The following RP1 variants were observed in gnomAD, a reference collection of about 807,000 sequenced individuals.
The protein encoded by RP1 is RP1 axonemal microtubule associated.
A neutral mutation model predicts 14.8 loss-of-function variants in RP1; 16 were observed. That is an observed-to-expected ratio of 1.08 (90% CI 0.73 to 1.65). The LOEUF (loss-of-function observed/expected upper bound fraction) is 1.65. Ranked by LOEUF, RP1 falls within the 40% of genes most tolerant of loss-of-function variation. The pLI is 0.00. For missense variants in RP1, 2,631 were observed against 2,535.0 expected (o/e 1.04, Z -0.81); for synonymous variants, 876 against 883.6 (o/e 0.99, Z 0.15).
intron 19 of RP1, among the ~76,000 whole-genome samples, chr8:54,752,935 G>A (rs1043075291): frequency 5.3e-5 from 8 of 152,126 alleles, no homozygotes; most frequent in Non-Finnish European, 7.4e-5. Context: ...ATTAATGTAT[G>A]TATACATATA....
At chr8:54,647,382 C>T (rs1218051410) in intron 3 of RP1, among the ~76,000 whole-genome samples, 2 of 151,878 alleles carry the variant, frequency 1.3e-5, no homozygotes, top group Non-Finnish European at 2.9e-5. Flanking sequence ...CCACTGCACT[C>T]CAGCTTGGGT....
intron 7 of RP1, among the ~76,000 whole-genome samples, chr8:54,665,353 C>T (rs1220206373): frequency 6.6e-6 from 1 of 152,118 alleles, no homozygotes; most frequent in Non-Finnish European, 1.5e-5. Flanking sequence ...ATCAACTTGG[C>T]AGAGATTAAG....
At chr8:54,772,376 T>C (rs1053288214), downstream of RP1, among the ~76,000 whole-genome samples, 7 of 152,034 alleles carry the variant, frequency 4.6e-5, no homozygotes, top group African/African-American at 1.7e-4. Context: ...AAAAATAAGT[T>C]TAAATTCTAG....
At chr8:54,575,255 G>T (rs1362600863) in intron 1 of RP1, among the ~76,000 whole-genome samples, 1 of 152,194 alleles carries the variant, frequency 6.6e-6, no homozygotes, top group African/African-American at 2.4e-5. Context: ...GCTGTGAAGG[G>T]TCCTGATTTA....
At chr8:54,792,648 C>T (rs1810493499) in intron 24 of RP1, among the ~76,000 whole-genome samples, 1 of 151,716 alleles carries the variant, frequency 6.6e-6, no homozygotes, top group Non-Finnish European at 1.5e-5. Flanking sequence ...GAGACAAACA[C>T]AAATGAAAAT....
chr8:54,631,917 C>T (rs1202822871), downstream of RP1, among the ~76,000 whole-genome samples: 2 of 151,880 alleles, frequency 1.3e-5, no homozygotes, highest in Non-Finnish European at 2.9e-5. Flanking sequence ...TCTCGGCTCA[C>T]CGCAACCCCT....
Position 54,692,587 on chromosome 8 carries a change from A to T in RP1, c.1718-6880A>T, listed in dbSNP as rs1183212176. On this transcript the variant is annotated intron_variant, in intron 12 of 22. Coordinates refer to the RP1 transcript ENST00000636932. ...GGCCAGTGATAATGAGCATTTTTTC[A>T]TGTGTCTTTTGGCTGCATAAATGTC... Among the ~76,000 whole-genome samples, 60 of 76,322 alleles carry T rather than the reference A, an allele frequency of 7.9e-4. 6 individuals carry two copies. Among genetic ancestry groups the T allele is most frequent in the Non-Finnish European group, 1.3e-3 (52 of 39,886 alleles). The allele number at this position is 76,322 out of a possible 152,430, so 50.1% of individuals were successfully genotyped here.
intron 24 of RP1, among the ~76,000 whole-genome samples, chr8:54,799,419 GGTCTTGCTTATTATCCTACCTGGCA>G (rs1422607765): frequency 6.6e-6 from 1 of 151,714 alleles, no homozygotes; most frequent in Non-Finnish European, 1.5e-5. Context: ...TATGGAGTTG[GGTCTTGCTTATTATCCTACCTGGCA>G]GCCTGTCATT....
intron 25 of RP1, among the ~76,000 whole-genome samples, chr8:54,841,288 T>C (rs1346430354): frequency 6.6e-6 from 1 of 152,182 alleles, no homozygotes; most frequent in African/African-American, 2.4e-5. Context: ...TAGCTGACCA[T>C]GGGAAAAACA....
chr8:54,758,837 C>T lies in RP1; in HGVS notation c.3094-85C>T, dbSNP rs182480703. The T allele has an allele frequency of 2.8e-5, 38 of 1,371,028 alleles. No homozygotes were observed. The Admixed American group carries it at 4.0e-4, about 14-fold the overall frequency. The allele number at this position is 1,371,028 out of a possible 1,614,324, so 84.9% of individuals were successfully genotyped here. On this transcript the variant is annotated intron_variant, in intron 21 of 22. Coordinates refer to the RP1 transcript ENST00000636932. ...AAAGTATTGTGCTGCTTCTGGCAGT[C>T]GTTTAACTATTATTATTGCCTGCAT...
At chr8:54,708,212 A>G (rs1047049575) in intron 15 of RP1, among the ~76,000 whole-genome samples, 1 of 152,204 alleles carries the variant, frequency 6.6e-6, no homozygotes, top group South Asian at 2.1e-4. Flanking sequence ...TTCTAGAGGC[A>G]CAGGTAAGTG....
chr8:54,660,729 C>T (rs1806868244), intron 6 of RP1, among the ~76,000 whole-genome samples: 2 of 151,984 alleles, frequency 1.3e-5, no homozygotes, highest in Non-Finnish European at 2.9e-5. Context: ...TGGGCAAATG[C>T]ATTTTGCTGA....
rs139570650 is a variant in RP1, at chr8:54,622,370, A to G, written c.787+82A>G. Reference sequence around the variant, plus strand: ...CAAGGACGGCAAAATCCATGCTTCAATGACCAGTTTCTTCCACCACAGAAA... The same window carrying G: ...CAAGGACGGCAAAATCCATGCTTCAGTGACCAGTTTCTTCCACCACAGAAA... On this transcript the variant is annotated intron_variant, in intron 3 of 3. Transcript: ENST00000220676. 908 of 1,176,766 alleles carry G rather than the reference A, an allele frequency of 7.7e-4. 10 individuals are homozygous for G. In the East Asian group the frequency reaches 0.02, roughly 26 times the overall value. The allele number at this position is 1,176,766 out of a possible 1,614,324, so 72.9% of individuals were successfully genotyped here. A position where few individuals can be genotyped will look rare whatever the true frequency, so the allele number is the denominator to read the frequency against.
intron 1 of RP1, among the ~76,000 whole-genome samples, chr8:54,601,689 C>A (rs1563322469): frequency 6.8e-6 from 1 of 148,064 alleles, no homozygotes; most frequent in Non-Finnish European, 1.5e-5. Context: ...AAACTGGAAA[C>A]AACCTAAATG....
intron 3 of RP1, among the ~76,000 whole-genome samples, chr8:54,639,183 C>G (rs548992081): frequency 9.1e-4 from 139 of 152,266 alleles, no homozygotes; most frequent in Admixed American, 2.0e-3. Context: ...ATCTTATGGT[C>G]TGGCATCTTT....
intron 24 of RP1, among the ~76,000 whole-genome samples, chr8:54,810,047 A>G (rs894699131): frequency 9.2e-5 from 14 of 152,228 alleles, no homozygotes; most frequent in Admixed American, 9.2e-4. Flanking sequence ...TAGAGCACAT[A>G]TATGAGAAGC....
At chr8:54,838,859 G>A (rs764658247) in intron 25 of RP1, among the ~76,000 whole-genome samples, 5 of 152,120 alleles carry the variant, frequency 3.3e-5, no homozygotes, top group Middle Eastern at 3.2e-3. Flanking sequence ...TGTCATGCAA[G>A]CTACTTAGCC....
rs959035559 is a variant in RP1, at chr8:54,794,521, G to T, written c.3615+10811G>T. Among the ~76,000 whole-genome samples the T allele has an allele frequency of 3.3e-5, 5 of 151,352 alleles. 1 individual carries two copies. The highest frequency in any genetic ancestry group is 3.3e-4 in the Admixed American group (5 of 15,246). ...TACCTTTTTCAATAAGTGGTGTTGG[G>T]AAAACTGGATATCCATGAGCAAAAG... On this transcript the variant is annotated intron_variant, in intron 24 of 28. Coordinates refer to the RP1 transcript ENST00000637698.
At chr8:54,822,430 G>GAA (rs1407782628) in intron 24 of RP1, among the ~76,000 whole-genome samples, 2 of 152,150 alleles carry the variant, frequency 1.3e-5, no homozygotes, top group East Asian at 3.9e-4. Flanking sequence ...AAAGAAATTA[G>GAA]AAAAAACAAA....
Sources: allele counts gnomAD v4.1 joint callset (sites outside exome capture counted in the v4.1 genomes callset), GRCh38; gene constraint gnomAD v4.1.1; transcripts MANE v1.5; gene names NCBI Gene and HGNC (gene_info 2026-07-23, HGNC 2026-07-21).